CNKSR3: variants seen among roughly 807,000 people sequenced by gnomAD.
CNKSR3 encodes the protein CNKSR family member 3.
In CNKSR3, 36 loss-of-function variants were observed where a neutral mutation model predicts 67.7. The ratio of observed to expected loss-of-function variants is 0.53; its 90% CI spans 0.41 to 0.70. The LOEUF (loss-of-function observed/expected upper bound fraction) is 0.70. CNKSR3 is among the 30% of genes least tolerant of loss of function. CNKSR3 has a pLI of 0.00. For synonymous variants in CNKSR3, 281 were observed against 271.4 expected, an observed-to-expected ratio of 1.04 and a Z score of -0.35; for missense variants, 630 against 695.2, an observed-to-expected ratio of 0.91 and a Z score of 1.05.
At chr6:154,457,718 A>G (rs1251147230) in intron 1 of CNKSR3, among the ~76,000 whole-genome samples, 1 of 152,154 alleles carries the variant, frequency 6.6e-6, no homozygotes, top group Non-Finnish European at 1.5e-5. Context: ...GATTTCTGCA[A>G]TAACCTAGAA....
chr6:154,422,755 T>C (rs530489084), intron 8 of CNKSR3, 103 bp from the exon 9 acceptor site: 107 of 1,347,414 alleles, frequency 7.9e-5, no homozygotes, highest in Middle Eastern at 2.6e-4. Context: ...AGCAGATACA[T>C]AGAAACAAAA....
rs200877608 is a variant in CNKSR3, at chr6:154,410,903, C to A, written c.1279+31G>T. On this transcript the variant is annotated intron_variant, in intron 11 of 12. Transcript: ENST00000607772. Reference sequence around the variant, plus strand: ...GGCGGGGAGGAGAAGTCAAGGCCAACGGCAGAACAAAACAAACACTTGAAA... The same window carrying A: ...GGCGGGGAGGAGAAGTCAAGGCCAAAGGCAGAACAAAACAAACACTTGAAA... The A allele has an allele frequency of 3.8e-6, 6 of 1,568,698 alleles. No homozygotes were observed. The African/African-American group carries it at 5.4e-5, about 14-fold the overall frequency.
At chr6:154,451,473 G>A (rs6906585) in intron 1 of CNKSR3, among the ~76,000 whole-genome samples, 107,514 of 150,278 alleles carry the variant, frequency 0.72, 38,597 homozygotes, top group East Asian at 0.9. Flanking sequence ...CACCAAACGC[G>A]CACACACACA....
rs1305473787 is a variant in CNKSR3, at chr6:154,401,669, T to C, written c.*4685A>G. The C allele has an allele frequency of 6.6e-6, 1 of 152,224 alleles. No individual in the cohort carries two copies. The highest frequency in any genetic ancestry group is 1.5e-5 in the Non-Finnish European group (1 of 68,034). 9.4% of individuals were successfully genotyped at this position (152,224 alleles called of 1,614,324 possible). A position where few individuals can be genotyped will look rare whatever the true frequency, so the allele number is the denominator to read the frequency against. On this transcript the variant is annotated 3_prime_UTR_variant, in exon 13 of 13. Coordinates refer to ENST00000607772, the MANE Select transcript of CNKSR3 (RefSeq NM_173515.4). ...TCCAAGGAAGTAGCTTGCAGTAGTC[T>C]CATCCCCACGGAAATGATGCAGTGA... is the stretch of plus-strand genomic sequence containing the variant.
At chr6:154,450,387 A>G (rs1171707324) in intron 1 of CNKSR3, 129 bp from the exon 2 acceptor site, 8 of 937,760 alleles carry the variant, frequency 8.5e-6, no homozygotes, top group Non-Finnish European at 1.3e-5. Context: ...TATCTATGTG[A>G]GGCCTATTGC....
At chr6:154,462,544 G>T (rs574678567) in intron 1 of CNKSR3, among the ~76,000 whole-genome samples, 2 of 152,142 alleles carry the variant, frequency 1.3e-5, no homozygotes, top group Non-Finnish European at 2.9e-5. Flanking sequence ...CTGCACTGGG[G>T]ATAAAATCTA....
chr6:154,486,382 G>C (rs1272967203), intron 1 of CNKSR3, among the ~76,000 whole-genome samples: 1 of 150,050 alleles, frequency 6.7e-6, no homozygotes, highest in African/African-American at 2.5e-5. Context: ...GGCAGCCTCC[G>C]CCTCCTGGCT....
chr6:154,496,914 T>C (rs1582904169), intron 1 of CNKSR3, among the ~76,000 whole-genome samples: 1 of 152,224 alleles, frequency 6.6e-6, no homozygotes, highest in Non-Finnish European at 1.5e-5. Flanking sequence ...CAGGCTCTAA[T>C]GCCTCTTGAT....
chr6:154,480,387 T>C lies in CNKSR3; in HGVS notation c.52+29676A>G, dbSNP rs78469557. 1.8e-3 allele frequency among the ~76,000 whole-genome samples: 272 copies of C among 152,296 alleles called. 7 individuals carry two copies. In the East Asian group the frequency reaches 0.041, roughly 23 times the overall value. ...GAGGATTCAACACGGGTTATTTTACTTTGCCCCAGACTGGCTCTGCTTTCC... is the reference window on the plus strand; with the variant it reads ...GAGGATTCAACACGGGTTATTTTACCTTGCCCCAGACTGGCTCTGCTTTCC... On this transcript the variant is annotated intron_variant, in intron 1 of 12. Coordinates refer to ENST00000607772, the MANE Select transcript of CNKSR3 (RefSeq NM_173515.4).
intron 9 of CNKSR3, among the ~76,000 whole-genome samples, chr6:154,417,704 T>C (rs1315365933): frequency 6.6e-6 from 1 of 151,988 alleles, no homozygotes; most frequent in East Asian, 1.9e-4. Flanking sequence ...ATGACTGGTG[T>C]CCCATAAGAT....
intron 1 of CNKSR3, among the ~76,000 whole-genome samples, chr6:154,504,776 G>A (rs901933111): frequency 6.6e-6 from 1 of 151,718 alleles, no homozygotes; most frequent in Non-Finnish European, 1.5e-5. Context: ...CTGGGAGGCC[G>A]AGGTGGGAGG....
At chr6:154,459,183 A>C (rs1166592888) in intron 1 of CNKSR3, among the ~76,000 whole-genome samples, 1 of 152,080 alleles carries the variant, frequency 6.6e-6, no homozygotes, top group African/African-American at 2.4e-5. Flanking sequence ...CAAATGAATG[A>C]ACTTGGTCTT....
intron 1 of CNKSR3, among the ~76,000 whole-genome samples, chr6:154,497,439 T>G (rs1786902589): frequency 6.6e-6 from 1 of 152,164 alleles, no homozygotes; most frequent in African/African-American, 2.4e-5. Flanking sequence ...ACATGTCAGC[T>G]GCTCACTGCT....
Position 154,510,277 on chromosome 6 carries a change from G to C in CNKSR3, c.-163C>G. ...CGCGGTCAGCCAGTCGTCCCAGCGC[G>C]GCTCCGCCAGGGGAGCCCGGCCCTC... is the stretch of plus-strand genomic sequence containing the variant. On this transcript the variant is annotated 5_prime_UTR_variant, in exon 1 of 13. Coordinates refer to ENST00000607772, the MANE Select transcript of CNKSR3 (RefSeq NM_173515.4). 1.4e-6 allele frequency: 1 copy of C among 700,096 alleles called. No homozygotes were observed. The highest frequency in any genetic ancestry group is 2.4e-6 in the Non-Finnish European group (1 of 417,614). 43.4% of individuals were successfully genotyped at this position (700,096 alleles called of 1,614,324 possible).
intron 1 of CNKSR3, among the ~76,000 whole-genome samples, chr6:154,491,420 A>T (rs768934624): frequency 1.3e-5 from 2 of 152,220 alleles, no homozygotes; most frequent in African/African-American, 2.4e-5. Flanking sequence ...CAGTTGCACC[A>T]GTTTTCCTGC....
At chr6:154,409,119 C>T (rs1269855964) in intron 12 of CNKSR3, among the ~76,000 whole-genome samples, 1 of 152,174 alleles carries the variant, frequency 6.6e-6, no homozygotes, top group Non-Finnish European at 1.5e-5. Context: ...CCCTTTTTCA[C>T]TTTAGCATAA....
intron 2 of CNKSR3, among the ~76,000 whole-genome samples, chr6:154,443,644 G>C (rs149830875): frequency 2.0e-5 from 3 of 151,876 alleles, no homozygotes; most frequent in Admixed American, 6.6e-5. Flanking sequence ...TCCACCAGGC[G>C]AGACACTCAC....
At chr6:154,473,402 AT>A (rs1371571260) in intron 1 of CNKSR3, among the ~76,000 whole-genome samples, 3 of 152,106 alleles carry the variant, frequency 2.0e-5, no homozygotes, top group East Asian at 1.9e-4. Flanking sequence ...GATTATCGCC[AT>A]TTTTTTAGGG....
At chr6:154,467,122 T>C (rs751198667) in intron 1 of CNKSR3, among the ~76,000 whole-genome samples, 4 of 152,018 alleles carry the variant, frequency 2.6e-5, no homozygotes, top group Admixed American at 1.3e-4. Flanking sequence ...CCAAGAGCAG[T>C]CTTTAAGTAA....
Sources: gnomAD v4.1 joint callset for allele counts (sites outside exome capture counted in the v4.1 genomes callset) on GRCh38, gnomAD v4.1.1 for gene constraint, MANE v1.5 for transcripts, NCBI Gene and HGNC (gene_info 2026-07-23, HGNC 2026-07-21) for gene names.